The following SYBU variants were observed in gnomAD, a reference collection of about 807,000 sequenced individuals.
The protein encoded by SYBU is GOLSYN A protein.
In SYBU, 21 loss-of-function variants were observed where a neutral mutation model predicts 35.9. The ratio of observed to expected loss-of-function variants is 0.58; its 90% CI spans 0.41 to 0.84. The LOEUF is 0.84. SYBU is among the 40% of genes least tolerant of loss of function. The probability of loss-of-function intolerance (pLI) is 0.00; values close to 1 mark genes in which losing one functional copy is unlikely to be tolerated. For missense variants in SYBU, 768 were observed against 848.2 expected (o/e 0.91, Z 1.17); for synonymous variants, 319 against 324.3 (o/e 0.98, Z 0.18).
At chr8:109,581,829 G>C (rs776260314) in intron 4 of SYBU, among the ~76,000 whole-genome samples, 2 of 152,004 alleles carry the variant, frequency 1.3e-5, no homozygotes, top group South Asian at 2.1e-4. Flanking sequence ...TAAATAAAAC[G>C]TAACCAAGTT....
chr8:109,608,045 G>A (rs530833192), intron 3 of SYBU: 6 of 1,218,452 alleles, frequency 4.9e-6, no homozygotes, highest in Non-Finnish European at 6.8e-6. Flanking sequence ...GTCTCAGAGT[G>A]GGGTATCCAT....
intron 2 of SYBU, among the ~76,000 whole-genome samples, chr8:109,636,813 T>C (rs1436309177): frequency 1.3e-5 from 2 of 152,210 alleles, no homozygotes; most frequent in Non-Finnish European, 1.5e-5. Context: ...TTTGCTACCA[T>C]CTGAACACAA....
intron 1 of SYBU, among the ~76,000 whole-genome samples, chr8:109,671,913 G>A (rs1215569164): frequency 1.3e-5 from 2 of 151,698 alleles, no homozygotes; most frequent in Non-Finnish European, 2.9e-5. Context: ...TTTTTGTTTT[G>A]TTTTTGAGAT....
At chr8:109,611,577 A>G (rs866080857) in intron 3 of SYBU, among the ~76,000 whole-genome samples, 7 of 152,350 alleles carry the variant, frequency 4.6e-5, no homozygotes, top group South Asian at 4.1e-4. Flanking sequence ...TCTTTCTCTC[A>G]GGGTGAAAGA....
At chr8:109,577,738 CTT>C in intron 6 of SYBU, 128 bp downstream of exon 6, 1 of 1,046,756 alleles carries the variant, frequency 9.6e-7, no homozygotes, top group South Asian at 1.9e-5. Context: ...CAGAGGCTGA[CTT>C]TAAAAATTTG....
At chr8:109,646,842 T>C (rs1047195023), upstream of SYBU, 31 of 152,166 alleles carry the variant, frequency 2.0e-4, no homozygotes, top group African/African-American at 7.5e-4. Context: ...CACCAAGTGA[T>C]CTCTATGCCA....
chr8:109,628,902 A>G (rs955654120), intron 2 of SYBU, among the ~76,000 whole-genome samples: 17 of 152,146 alleles, frequency 1.1e-4, no homozygotes, highest in Admixed American at 1.1e-3. Context: ...GTGGGAAGCT[A>G]CTTCATTAGA....
chr8:109,601,672 T>C (rs930785502), intron 3 of SYBU, among the ~76,000 whole-genome samples: 4 of 151,980 alleles, frequency 2.6e-5, no homozygotes, highest in Admixed American at 6.6e-5. Context: ...AGGAAGAATA[T>C]AGTGTTGGGG....
At chr8:109,682,713 A>G (rs2130785606), upstream of SYBU, among the ~76,000 whole-genome samples, 1 of 152,332 alleles carries the variant, frequency 6.6e-6, no homozygotes, top group Non-Finnish European at 1.5e-5. Flanking sequence ...TCACCAAGAC[A>G]ATGGGGAAAA....
chr8:109,607,333 A>G (rs1563715605), intron 3 of SYBU, among the ~76,000 whole-genome samples: 2 of 152,232 alleles, frequency 1.3e-5, no homozygotes, highest in Non-Finnish European at 2.9e-5. Flanking sequence ...AAAGTAAATT[A>G]AAACTGGCCA....
chr8:109,647,751 T>TA (rs1043813182), upstream of SYBU: 2 of 152,228 alleles, frequency 1.3e-5, no homozygotes, highest in East Asian at 1.9e-4. Flanking sequence ...GGTGTGTGCC[T>TA]AAAAAATCCA....
chr8:109,654,278 G>A (rs1381113018), intron 1 of SYBU, among the ~76,000 whole-genome samples: 1 of 152,140 alleles, frequency 6.6e-6, no homozygotes, highest in Admixed American at 6.5e-5. Flanking sequence ...CTCCACTCAT[G>A]TACTCACAGC....
chr8:109,628,301 G>A (rs915375527), intron 2 of SYBU, among the ~76,000 whole-genome samples: 3 of 152,034 alleles, frequency 2.0e-5, no homozygotes, highest in Non-Finnish European at 4.4e-5. Flanking sequence ...TTGAGGACAG[G>A]AGTTTGAGAC....
chr8:109,598,460 A>C (rs1383514309), intron 3 of SYBU, among the ~76,000 whole-genome samples: 3 of 152,162 alleles, frequency 2.0e-5, no homozygotes, highest in African/African-American at 7.2e-5. Flanking sequence ...GCAATCACTT[A>C]ACCTCTCTAT....
chr8:109,640,355 T>C (rs191136396), intron 2 of SYBU, among the ~76,000 whole-genome samples: 2,313 of 152,038 alleles, frequency 0.015, 26 homozygotes, highest in Middle Eastern at 0.054. Flanking sequence ...GTTTTCCTTT[T>C]TTTTGTTGTT....
chr8:109,670,431 TATAAA>T (rs1816938243), intron 1 of SYBU, among the ~76,000 whole-genome samples: 1 of 151,742 alleles, frequency 6.6e-6, no homozygotes, highest in Non-Finnish European at 1.5e-5. Context: ...TTTTCTTATT[TATAAA>T]AAAGTTTAGA....
upstream of SYBU, among the ~76,000 whole-genome samples, chr8:109,684,577 T>C (rs1311534123): frequency 3.9e-5 from 6 of 152,240 alleles, no homozygotes; most frequent in African/African-American, 1.4e-4. Context: ...ATTGGTCTTG[T>C]TGGAAACTGA....
chr8:109,682,604 G>A (rs1817426833), upstream of SYBU, among the ~76,000 whole-genome samples: 1 of 152,176 alleles, frequency 6.6e-6, no homozygotes, highest in Non-Finnish European at 1.5e-5. Flanking sequence ...TTGAACATTT[G>A]CAGTCTAATG....
At chr8:109,592,180 A>G (rs759264082) in intron 3 of SYBU, among the ~76,000 whole-genome samples, 2 of 152,192 alleles carry the variant, frequency 1.3e-5, no homozygotes, top group Non-Finnish European at 2.9e-5. Flanking sequence ...GATTACATCT[A>G]TCCCTTAAAA....
Sources: gnomAD v4.1 joint callset for allele counts (sites outside exome capture counted in the v4.1 genomes callset) on GRCh38, gnomAD v4.1.1 for gene constraint, MANE v1.5 for transcripts, NCBI Gene and HGNC (gene_info 2026-07-23, HGNC 2026-07-21) for gene names.